The following NSL1 variants were observed in gnomAD, a reference collection of about 807,000 sequenced individuals.
NSL1 encodes kinetochore-associated protein NSL1 homolog.
In NSL1, 11 loss-of-function variants were observed where a neutral mutation model predicts 25.4. That is an observed-to-expected ratio of 0.43 (90% CI 0.27 to 0.72). The LOEUF (loss-of-function observed/expected upper bound fraction) is 0.72. Among genes scored for constraint, NSL1 ranks in the 30% least tolerant of loss-of-function variants. NSL1 has a pLI of 0.19. For missense variants in NSL1, 330 were observed against 342.7 expected (o/e 0.96, Z 0.29); for synonymous variants, 118 against 120.6 (o/e 0.98, Z 0.14).
At chr1:212,739,847 G>C (rs1658423725) in intron 4 of NSL1, among the ~76,000 whole-genome samples, 1 of 152,138 alleles carries the variant, frequency 6.6e-6, no homozygotes, top group African/African-American at 2.4e-5. Context: ...GCCCCTAAAA[G>C]AGAGTTCAAT....
rs1006222189 is a variant in NSL1, at chr1:212,726,671, C to G, written c.*11737G>C. The G allele has an allele frequency of 6.5e-6, 1 of 154,322 alleles. No individual in the cohort carries two copies. Among genetic ancestry groups the G allele is most frequent in the Non-Finnish European group, 1.4e-5 (1 of 69,576 alleles). The allele number at this position is 154,322 out of a possible 1,614,324, so 9.6% of individuals were successfully genotyped here. A position where few individuals can be genotyped will look rare whatever the true frequency, so the allele number is the denominator to read the frequency against. ...TGGCTCATCTCAGCTCCCAGCGGCA[C>G]TGTGTTACCCCTGAGGTTGGCTCCT... On this transcript the variant is annotated 3_prime_UTR_variant, in exon 6 of 6. Coordinates refer to ENST00000366977, the MANE Select transcript of NSL1 (RefSeq NM_015471.4).
chr1:212,782,332 G>A, intron 4 of NSL1, 40 bp downstream of exon 4: 1 of 1,399,796 alleles, frequency 7.1e-7, no homozygotes, highest in Non-Finnish European at 1.0e-6. Flanking sequence ...AAAATTATAA[G>A]CAGATGCTTC....
intron 1 of NSL1, among the ~76,000 whole-genome samples, chr1:212,789,331 T>C (rs1284355554): frequency 6.6e-6 from 1 of 151,990 alleles, no homozygotes; most frequent in Non-Finnish European, 1.5e-5. Context: ...CCTGCCTCAG[T>C]CTCCCGAATA....
rs116811649 is a variant in NSL1 at position 212,764,311 on chromosome 1, T to C, written c.499+18061A>G. 9.3e-3 allele frequency among the ~76,000 whole-genome samples: 1,416 copies of C among 152,296 alleles called. 14 individuals are homozygous for C. The highest frequency in any genetic ancestry group is 0.02 in the Middle Eastern group (6 of 294). ...AGGAAAGTTCACAGTGTTAAATGTCTACATCAAAAACCCTGAAATAGCACA... is the reference window on the plus strand; with the variant it reads ...AGGAAAGTTCACAGTGTTAAATGTCCACATCAAAAACCCTGAAATAGCACA... On this transcript the variant is annotated intron_variant, in intron 4 of 5. Transcript: ENST00000366977.
At chr1:212,768,235 G>A (rs952671576) in intron 4 of NSL1, among the ~76,000 whole-genome samples, 1 of 150,028 alleles carries the variant, frequency 6.7e-6, no homozygotes, top group Non-Finnish European at 1.5e-5. Flanking sequence ...CAGGAGAATG[G>A]CGTGCACCTG....
intron 1 of NSL1, 115 bp from the exon 2 acceptor site, chr1:212,787,752 T>A: frequency 1.7e-5 from 10 of 591,458 alleles, no homozygotes; most frequent in Non-Finnish European, 2.7e-5. Flanking sequence ...AGTAGCAGAA[T>A]AGCTAATTAG....
intron 4 of NSL1, among the ~76,000 whole-genome samples, chr1:212,744,186 A>C (rs1658648547): frequency 6.6e-6 from 1 of 152,154 alleles, no homozygotes. Flanking sequence ...AGCTGAAGGC[A>C]TATCCCGACA....
At chr1:212,772,727 A>C (rs1163801954) in intron 4 of NSL1, among the ~76,000 whole-genome samples, 1 of 152,100 alleles carries the variant, frequency 6.6e-6, no homozygotes, top group Non-Finnish European at 1.5e-5. Flanking sequence ...ACAAAACCAC[A>C]AGAGTCCGAA....
At chr1:212,752,592 A>G (rs761287946) in intron 4 of NSL1, among the ~76,000 whole-genome samples, 2 of 152,224 alleles carry the variant, frequency 1.3e-5, no homozygotes, top group Non-Finnish European at 2.9e-5. Flanking sequence ...GCAATTATTC[A>G]TTACAACAGG....
In NSL1 at chr1:212,730,540, A is replaced by G; in HGVS notation, c.*7868T>C. 5.1e-6 allele frequency: 5 copies of G among 985,410 alleles called. No individual in the cohort carries two copies. The highest frequency in any genetic ancestry group is 6.0e-6 in the Non-Finnish European group (5 of 829,916). The allele number at this position is 985,410 out of a possible 1,614,324, so 61.0% of individuals were successfully genotyped here. ...AATCTTTTACACAGGCACAGGAGTCAGCTGGAGCAGAAGACCTGCAGGGAG... is the reference window on the plus strand; with the variant it reads ...AATCTTTTACACAGGCACAGGAGTCGGCTGGAGCAGAAGACCTGCAGGGAG... On this transcript the variant is annotated 3_prime_UTR_variant, in exon 6 of 6. Coordinates refer to ENST00000366977, the MANE Select transcript of NSL1 (RefSeq NM_015471.4).
intron 4 of NSL1, among the ~76,000 whole-genome samples, chr1:212,753,091 T>C (rs1381195840): frequency 1.3e-5 from 2 of 152,222 alleles, no homozygotes; most frequent in South Asian, 2.1e-4. Context: ...TTTGTGATTT[T>C]CTGAAAGATA....
At chr1:212,740,044 ATAC>A (rs1658432793) in intron 4 of NSL1, among the ~76,000 whole-genome samples, 1 of 152,204 alleles carries the variant, frequency 6.6e-6, no homozygotes, top group Admixed American at 6.5e-5. Context: ...ATTATCAGTA[ATAC>A]TACTTTCTCT....
chr1:212,768,507 T>G (rs564373121), intron 4 of NSL1, among the ~76,000 whole-genome samples: 1 of 151,968 alleles, frequency 6.6e-6, no homozygotes, highest in Non-Finnish European at 1.5e-5. Context: ...ATCAACCAAC[T>G]AGTGCATAAA....
At chr1:212,771,736 T>C (rs1660127103) in intron 4 of NSL1, among the ~76,000 whole-genome samples, 1 of 148,252 alleles carries the variant, frequency 6.7e-6, no homozygotes, top group Non-Finnish European at 1.5e-5. Flanking sequence ...AAAGAAGAAA[T>C]CAAGAAGTCA....
In NSL1 at chr1:212,760,527, C is replaced by T. The variant is rs1201275304; in HGVS notation, c.500-20926G>A. Among the ~76,000 whole-genome samples the T allele has an allele frequency of 3.3e-5, 5 of 152,228 alleles. No individual in the cohort carries two copies. The highest frequency in any genetic ancestry group is 7.2e-5 in the African/African-American group (3 of 41,540). ...CACACTCCTCCCCAGGGCTTGAGGA[C>T]GGGCCTGACTAGCCTATCATCACCA... On this transcript the variant is annotated intron_variant, in intron 4 of 5. Coordinates refer to ENST00000366977, the MANE Select transcript of NSL1 (RefSeq NM_015471.4). This position sits in a 1 kb window ranked among gnomAD's most constrained non-coding sequence, Gnocchi z 4.3.
intron 4 of NSL1, among the ~76,000 whole-genome samples, chr1:212,757,492 G>A (rs925567136): frequency 6.6e-6 from 1 of 152,104 alleles, no homozygotes; most frequent in East Asian, 1.9e-4. Flanking sequence ...CTCACAGTTC[G>A]GCAGGCTGTA....
Position 212,732,409 on chromosome 1 carries a change from T to A in NSL1, c.*5999A>T. 2.3e-6 allele frequency: 1 copy of A among 436,022 alleles called. No individual in the cohort carries two copies. Among genetic ancestry groups the A allele is most frequent in the Non-Finnish European group, 3.0e-6 (1 of 329,382 alleles). 27.0% of individuals were successfully genotyped at this position (436,022 alleles called of 1,614,324 possible). On this transcript the variant is annotated 3_prime_UTR_variant, in exon 6 of 6. Coordinates refer to ENST00000366977, the MANE Select transcript of NSL1 (RefSeq NM_015471.4). Reference sequence around the variant, plus strand: ...CTCACTGCAACCTCTGCCTCCTGGGTTCAAGCGATTCTCCAGCCTCAGCCT... The same window carrying A: ...CTCACTGCAACCTCTGCCTCCTGGGATCAAGCGATTCTCCAGCCTCAGCCT...
chr1:212,766,645 TA>T (rs1235557027), intron 4 of NSL1, among the ~76,000 whole-genome samples: 235 of 122,358 alleles, frequency 1.9e-3, no homozygotes, highest in Non-Finnish European at 2.3e-3. Context: ...GACTCCATCT[TA>T]AAAAAAAAAA....
chr1:212,754,859 T>C (rs758563255), intron 4 of NSL1, among the ~76,000 whole-genome samples: 3 of 149,336 alleles, frequency 2.0e-5, no homozygotes, highest in Non-Finnish European at 3.0e-5. Flanking sequence ...CCAGAAATGA[T>C]GGGAAGCAGA....
Sources: allele counts gnomAD v4.1 joint callset (sites outside exome capture counted in the v4.1 genomes callset), GRCh38; gene constraint gnomAD v4.1.1; non-coding constraint Gnocchi (gnomAD v3.1); transcripts MANE v1.5; gene names NCBI Gene and HGNC (gene_info 2026-07-23, HGNC 2026-07-21).